CACNA1D: variants seen among roughly 807,000 people sequenced by gnomAD.
The protein encoded by CACNA1D is calcium voltage-gated channel subunit alpha1 D, also known as voltage-dependent L-type calcium channel subunit alpha-1D.
Under a neutral mutation model 257.1 loss-of-function variants are expected in CACNA1D, and 55 were observed. The observed-to-expected ratio is 0.21, with a 90% CI of 0.17 to 0.27. CACNA1D has a LOEUF of 0.27. Among genes scored for constraint, CACNA1D ranks in the 10% least tolerant of loss-of-function variants. The pLI, the probability that CACNA1D is intolerant of heterozygous loss-of-function variation, is 1.00. For synonymous variants in CACNA1D, 980 were observed against 1,014.9 expected (o/e 0.97, Z 0.65); for missense variants, 1,876 against 2,784.0 (o/e 0.67, Z 7.34).
intron 3 of CACNA1D, among the ~76,000 whole-genome samples, chr3:53,632,652 G>A (rs1159368656): frequency 6.6e-6 from 1 of 152,196 alleles, no homozygotes; most frequent in East Asian, 1.9e-4. Flanking sequence ...AGACATATGA[G>A]TCTTCCTTTC....
rs140019667 is a variant in CACNA1D at position 53,802,159 on chromosome 3, T to C, written c.5421T>C (p.Tyr1807=). ...RRSSVKRTRY[Y]ETYIRSDSGD... ...CTTTCCTGGATAGAACCCGCTATTA[T>C]GAAACTTACATTAGGTATGTGCTCA... The change falls in exon 43 of 48, where the codon TAT becomes TAC. Residue 1807 remains tyrosine, a synonymous_variant. Coordinates refer to ENST00000350061, the MANE Select transcript of CACNA1D (RefSeq NM_001128840.3). 1.6e-5 allele frequency: 25 copies of C among 1,608,668 alleles called. No individual in the cohort carries two copies. In the African/African-American group the frequency reaches 2.0e-4, roughly 13 times the overall value.
intron 3 of CACNA1D, among the ~76,000 whole-genome samples, chr3:53,620,651 T>C (rs1469649214): frequency 6.6e-6 from 1 of 152,252 alleles, no homozygotes; most frequent in Non-Finnish European, 1.5e-5. Flanking sequence ...ATTTGTACTT[T>C]CATGATGTGG....
intron 4 of CACNA1D, 135 bp downstream of exon 4, chr3:53,651,053 C>A (rs1390389921): frequency 2.5e-6 from 2 of 791,890 alleles, no homozygotes; most frequent in Non-Finnish European, 4.3e-6. Flanking sequence ...CAGAACCTCT[C>A]AGGAGTTCTT....
rs186893577 is a variant in CACNA1D, at chr3:53,725,312, A to G, written c.2100+1313A>G. On this transcript the variant is annotated intron_variant, in intron 14 of 47. Coordinates refer to ENST00000350061, the MANE Select transcript of CACNA1D (RefSeq NM_001128840.3). ...GCCCCTCCTTTGAAACGCTGCGTCC[A>G]TGCGGTGGTAGATGTGCCGTTGTTC... 2.4e-3 allele frequency among the ~76,000 whole-genome samples: 363 copies of G among 152,224 alleles called. 1 individual carries two copies. Among genetic ancestry groups the G allele is most frequent in the African/African-American group, 8.6e-3 (359 of 41,536 alleles).
chr3:53,638,593 C>T (rs1373597532), intron 3 of CACNA1D, among the ~76,000 whole-genome samples: 1 of 152,216 alleles, frequency 6.6e-6, no homozygotes, highest in Non-Finnish European at 1.5e-5. Context: ...GCCTCATTTG[C>T]ACTTACCAAC....
At position 53,668,489 on chromosome 3, in the gene CACNA1D, A is replaced by G. The variant is rs181252186; in HGVS notation, c.1116+1954A>G. On this transcript the variant is annotated intron_variant, in intron 7 of 47. Coordinates refer to ENST00000350061, the MANE Select transcript of CACNA1D (RefSeq NM_001128840.3). ...CTTTGACAGTATAATTGCACTCTCCATAAATTACACAGCATCTTTATTCTG... is the reference window on the plus strand; with the variant it reads ...CTTTGACAGTATAATTGCACTCTCCGTAAATTACACAGCATCTTTATTCTG... 1.5e-4 allele frequency among the ~76,000 whole-genome samples: 23 copies of G among 152,328 alleles called. 1 individual carries two copies. In the East Asian group the frequency reaches 3.7e-3, roughly 24 times the overall value.
intron 39 of CACNA1D, 109 bp from the exon 40 acceptor site, chr3:53,786,713 G>GGCCCCCC: frequency 2.1e-6 from 1 of 467,158 alleles, no homozygotes; most frequent in East Asian, 6.2e-5. Flanking sequence ...GCGCCGGACC[G>GGCCCCCC]CCCACCCGCC....
intron 3 of CACNA1D, among the ~76,000 whole-genome samples, chr3:53,634,829 C>A (rs191967079): frequency 6.6e-6 from 1 of 152,222 alleles, no homozygotes; most frequent in Admixed American, 6.5e-5. Flanking sequence ...CAGTGCCTTG[C>A]CTAGGGCCAC....
intron 3 of CACNA1D, among the ~76,000 whole-genome samples, chr3:53,569,471 G>A (rs1344495843): frequency 6.6e-6 from 1 of 152,188 alleles, no homozygotes. Flanking sequence ...AGAGTGCCTG[G>A]CACATAGTAG....
At chr3:53,528,127 T>A (rs1321504001) in intron 3 of CACNA1D, among the ~76,000 whole-genome samples, 1 of 152,250 alleles carries the variant, frequency 6.6e-6, no homozygotes, top group African/African-American at 2.4e-5. Context: ...TTACCTTTTT[T>A]CTTGTAGAAG....
intron 3 of CACNA1D, among the ~76,000 whole-genome samples, chr3:53,518,691 C>G (rs571510894): frequency 6.6e-6 from 1 of 152,108 alleles, no homozygotes; most frequent in Non-Finnish European, 1.5e-5. Flanking sequence ...CCTTACTCCC[C>G]GTCTTTTCTT....
chr3:53,500,472 G>A (rs1480695401), intron 2 of CACNA1D, among the ~76,000 whole-genome samples: 1 of 151,644 alleles, frequency 6.6e-6, no homozygotes, highest in African/African-American at 2.4e-5. Flanking sequence ...GAGAGGTAAA[G>A]AGTATTTGTT....
Position 53,813,076 on chromosome 3 carries a change from G to A in CACNA1D, c.*1670G>A, listed in dbSNP as rs2106941851. On this transcript the variant is annotated 3_prime_UTR_variant, in exon 48 of 48. Coordinates refer to ENST00000350061, the MANE Select transcript of CACNA1D (RefSeq NM_001128840.3). Reference sequence around the variant, plus strand: ...ATTCCCTGCAATCAAAAAGATAGATGATAGGTAGCAATTTTGGTCCAAAAT... The same window carrying A: ...ATTCCCTGCAATCAAAAAGATAGATAATAGGTAGCAATTTTGGTCCAAAAT... 1 of 151,348 alleles carries A rather than the reference G, an allele frequency of 6.6e-6. No individual in the cohort carries two copies. Among genetic ancestry groups the A allele is most frequent in the Non-Finnish European group, 1.5e-5 (1 of 67,928 alleles). The allele number at this position is 151,348 out of a possible 1,614,324, so 9.4% of individuals were successfully genotyped here.
At chr3:53,698,382 A>G (rs532327677) in intron 8 of CACNA1D, among the ~76,000 whole-genome samples, 3 of 152,350 alleles carry the variant, frequency 2.0e-5, no homozygotes, top group African/African-American at 7.2e-5. Flanking sequence ...AAAGCTACTG[A>G]AAAGAGTTCA....
At chr3:53,648,729 G>T (rs1444210228) in intron 3 of CACNA1D, among the ~76,000 whole-genome samples, 1 of 152,018 alleles carries the variant, frequency 6.6e-6, no homozygotes, top group Non-Finnish European at 1.5e-5. Context: ...CTAAGAACAG[G>T]ACTGGTCTGA....
chr3:53,519,555 T>G (rs1422011205), intron 3 of CACNA1D, among the ~76,000 whole-genome samples: 1 of 152,182 alleles, frequency 6.6e-6, no homozygotes, highest in Non-Finnish European at 1.5e-5. Context: ...CATTGGGACC[T>G]GGAGGCAAAG....
At chr3:53,733,262 A>G (rs2095017502) in intron 19 of CACNA1D, among the ~76,000 whole-genome samples, 1 of 152,174 alleles carries the variant, frequency 6.6e-6, no homozygotes, top group Non-Finnish European at 1.5e-5. Context: ...CAATGGGGAA[A>G]GCCTTGTCCA....
intron 16 of CACNA1D, 136 bp from the exon 17 acceptor site, chr3:53,730,941 G>A: frequency 3.0e-6 from 2 of 664,246 alleles, no homozygotes; most frequent in South Asian, 3.5e-5. Flanking sequence ...GGTTGTGCTA[G>A]GCTCTTGTGG....
chr3:53,660,255 G>T lies in CACNA1D; in HGVS notation c.746G>T (p.Arg249Leu). ...LRAFRVLRPL[R>L]LVSGVPSLQV... is the part of the protein sequence containing the mutation. ...GCCTTTCGAGTGTTGCGACCACTTC[G>T]ACTAGTGTCAGGAGTGCCCAGTAAG... Residue 249 changes from arginine (R) to leucine (L), a missense_variant, in exon 5 of 48, where the codon CGA (arginine) becomes CTA (leucine). By Grantham distance (102) the Arg-to-Leu change is moderately radical. This residue lies in a region of CACNA1D where 188 missense variants were observed against 390.4 expected (regional missense o/e 0.48). Coordinates refer to ENST00000350061, the MANE Select transcript of CACNA1D (RefSeq NM_001128840.3). 6.2e-7 allele frequency: 1 copy of T among 1,614,042 alleles called. No individual in the cohort carries two copies. Among genetic ancestry groups the T allele is most frequent in the South Asian group, 1.1e-5 (1 of 91,070 alleles).
Sources: gnomAD v4.1 joint callset for allele counts (sites outside exome capture counted in the v4.1 genomes callset) on GRCh38, gnomAD v4.1.1 for gene constraint, gnomAD v4.1.1 regional missense constraint, MANE v1.5 for transcripts, NCBI Gene and HGNC (gene_info 2026-07-23, HGNC 2026-07-21) for gene names.